ADGRF3: variants seen among roughly 807,000 people sequenced by gnomAD.
The protein encoded by ADGRF3 is adhesion G protein-coupled receptor F3.
ADGRF3 carries 85 observed loss-of-function variants against 93.2 expected under a neutral mutation model. The observed-to-expected ratio is 0.91, with a 90% CI of 0.77 to 1.09. ADGRF3 has a LOEUF of 1.09. Among genes scored for constraint, ADGRF3 ranks in the 50% least tolerant of loss-of-function variants. ADGRF3 has a pLI of 0.00. For missense variants in ADGRF3, 1,125 were observed against 1,246.2 expected, an observed-to-expected ratio of 0.90 and a Z score of 1.46; for synonymous variants, 534 against 532.5, an observed-to-expected ratio of 1.00 and a Z score of -0.04.
chr2:26,327,898 T>G (rs1675530610), intron 1 of ADGRF3, among the ~76,000 whole-genome samples: 1 of 151,550 alleles, frequency 6.6e-6, no homozygotes, highest in Admixed American at 6.6e-5. Context: ...GGACTCAGAG[T>G]CCTCACAACC....
chr2:26,319,039 G>A lies in ADGRF3; in HGVS notation c.115-1477C>T, dbSNP rs1674945933. ...GGCCAGGAGCAGCAGTGGGGCAGCCGAACAGACCATGGCTCAGTGAAGCAG... is the reference window on the plus strand; with the variant it reads ...GGCCAGGAGCAGCAGTGGGGCAGCCAAACAGACCATGGCTCAGTGAAGCAG... On this transcript the variant is annotated intron_variant, in intron 1 of 13. Transcript: ENST00000651242. 13 of 1,551,028 alleles carry A rather than the reference G, an allele frequency of 8.4e-6. No individual in the cohort carries two copies. The highest frequency in any genetic ancestry group is 1.1e-5 in the Non-Finnish European group (13 of 1,146,766).
At chr2:26,342,014 A>T (rs1454676895) in intron 1 of ADGRF3, among the ~76,000 whole-genome samples, 1 of 151,472 alleles carries the variant, frequency 6.6e-6, no homozygotes, top group Non-Finnish European at 1.5e-5. Flanking sequence ...CGGAGATTGC[A>T]GTGAGCTGAT....
intron 13 of ADGRF3, 87 bp downstream of exon 13, chr2:26,309,439 C>T: frequency 1.3e-6 from 2 of 1,558,160 alleles, no homozygotes; most frequent in Non-Finnish European, 1.7e-6. Context: ...GAGGAGGCTT[C>T]TCTCCAGCAC....
intron 1 of ADGRF3, among the ~76,000 whole-genome samples, chr2:26,319,376 C>A (rs1674972589): frequency 6.6e-6 from 1 of 152,154 alleles, no homozygotes; most frequent in Admixed American, 6.5e-5. Context: ...TCCCAAGGAC[C>A]TGGGAAATCT....
At position 26,311,171 on chromosome 2, in the gene ADGRF3, G is replaced by A. The variant is rs747092037; in HGVS notation, c.2353C>T (p.Leu785=). 6.3e-7 allele frequency: 1 copy of A among 1,597,672 alleles called. No homozygotes were observed. The highest frequency in any genetic ancestry group is 1.1e-5 in the South Asian group (1 of 88,876). Reference sequence around the variant, plus strand: ...GCCAGCATCCAGAAAAAGGTGGCCAGGTAGAGGAAATGACAGAGGAAGGCG... The same window carrying A: ...GCCAGCATCCAGAAAAAGGTGGCCAAGTAGAGGAAATGACAGAGGAAGGCG... ...AAAFLCHFLY[L]ATFFWMLAQA... The change falls in exon 10 of 14, where the codon CTG becomes TTG. Residue 785 remains leucine (L), a synonymous_variant. Coordinates refer to ENST00000651242, the MANE Select transcript of ADGRF3 (RefSeq NM_001321971.2).
At chr2:26,340,621 G>A (rs760114802) in intron 1 of ADGRF3, 2 of 152,240 alleles carry the variant, frequency 1.3e-5, no homozygotes, top group Non-Finnish European at 2.9e-5. Flanking sequence ...GATCGCAGAG[G>A]TGATGCCCCT....
intron 1 of ADGRF3, among the ~76,000 whole-genome samples, chr2:26,325,535 A>C (rs997603763): frequency 4.6e-5 from 7 of 152,192 alleles, no homozygotes; most frequent in Non-Finnish European, 1.0e-4. Flanking sequence ...TTTATATTAA[A>C]GCTATGTACC....
chr2:26,320,609 CAA>C (rs1675096094), intron 1 of ADGRF3, among the ~76,000 whole-genome samples: 1 of 152,018 alleles, frequency 6.6e-6, no homozygotes, highest in Admixed American at 6.6e-5. Flanking sequence ...TGCTAATTAT[CAA>C]AAGAGAAAAT....
At position 26,311,170 on chromosome 2, in the gene ADGRF3, A is replaced by G. The variant is rs1674075588; in HGVS notation, c.2354T>C (p.Leu785Pro). The change falls in exon 10 of 14, where the codon CTG (leucine) becomes CCG (proline). Residue 785 changes from leucine (L) to proline (P), a missense_variant. Transcript: ENST00000651242. ...AAAFLCHFLY[L>P]ATFFWMLAQA... is the part of the protein sequence containing the mutation. Reference sequence around the variant, plus strand: ...CGCCAGCATCCAGAAAAAGGTGGCCAGGTAGAGGAAATGACAGAGGAAGGC... The same window carrying G: ...CGCCAGCATCCAGAAAAAGGTGGCCGGGTAGAGGAAATGACAGAGGAAGGC... 6.3e-7 allele frequency: 1 copy of G among 1,597,590 alleles called. No homozygotes were observed. The highest frequency in any genetic ancestry group is 8.5e-7 in the Non-Finnish European group (1 of 1,172,518).
intron 1 of ADGRF3, among the ~76,000 whole-genome samples, chr2:26,323,056 T>C (rs543330580): frequency 3.9e-4 from 60 of 152,224 alleles, no homozygotes; most frequent in African/African-American, 1.3e-3. Flanking sequence ...TGAGAATCAC[T>C]TGAACCCAGG....
rs1376185145 is a variant in ADGRF3 at position 26,346,246 on chromosome 2, A to G, written c.-12T>C. On this transcript the variant is annotated 5_prime_UTR_variant, in exon 1 of 14. Coordinates refer to ENST00000651242, the MANE Select transcript of ADGRF3 (RefSeq NM_001321971.2). ...TTTCGGGTCGTCATGGCTGGCTACGAATACGTGAGCCCGGAGCAGCTGGCT... is the reference window on the plus strand; with the variant it reads ...TTTCGGGTCGTCATGGCTGGCTACGGATACGTGAGCCCGGAGCAGCTGGCT... 6.2e-7 allele frequency: 1 copy of G among 1,613,504 alleles called. No individual in the cohort carries two copies. Among genetic ancestry groups the G allele is most frequent in the Non-Finnish European group, 8.5e-7 (1 of 1,179,628 alleles).
At chr2:26,321,127 CAT>C (rs1675123596) in intron 1 of ADGRF3, among the ~76,000 whole-genome samples, 1 of 151,988 alleles carries the variant, frequency 6.6e-6, no homozygotes, top group African/African-American at 2.4e-5. Context: ...ATGGTAGAAA[CAT>C]AGCCCCATTG....
At position 26,313,831 on chromosome 2, in the gene ADGRF3, G is replaced by T. The variant is rs145404639; in HGVS notation, c.1001C>A (p.Thr334Lys). ...CAGGCTCTGCAGGTCACAAGCGTAC[G>T]TGGTGTCAGCCATCGGGCAGCGCTG... Reference protein sequence around the residue: ...AVQRCPMADTTYACDLQSLGL... With the variant: ...AVQRCPMADTKYACDLQSLGL... The change falls in exon 7 of 14, where the codon ACG (threonine) becomes AAG (lysine). Residue 334 changes from threonine (T) to lysine (K), a missense_variant. By Grantham distance (78) the Thr-to-Lys change is moderately conservative (BLOSUM62 -1). Transcript: ENST00000651242. The T allele has an allele frequency of 2.2e-5, 35 of 1,613,866 alleles. No homozygotes were observed. Among genetic ancestry groups the T allele is most frequent in the Non-Finnish European group, 2.9e-5 (34 of 1,179,882 alleles).
In ADGRF3 at chr2:26,311,778, A is replaced by G. The variant is rs961519708; in HGVS notation, c.1746T>C (p.Thr582=). The change falls in exon 10 of 14, where the codon ACT becomes ACC. Residue 582 remains threonine (T), a synonymous_variant. Transcript: ENST00000651242. ...HSLAPLVRNG[T]EISITSLVLR... The stretch of plus-strand genomic sequence containing the variant: ...GCACCAGGCTAGTAATACTTATTTC[A>G]GTTCCATTACGGACCAATGGGGCCA... The G allele has an allele frequency of 1.2e-6, 2 of 1,613,728 alleles. No individual in the cohort carries two copies. Among genetic ancestry groups the G allele is most frequent in the African/African-American group, 2.7e-5 (2 of 75,042 alleles).
At chr2:26,316,816 T>C in intron 3 of ADGRF3, 96 bp downstream of exon 3, 5 of 1,363,074 alleles carry the variant, frequency 3.7e-6, no homozygotes, top group Non-Finnish European at 5.0e-6. Flanking sequence ...CTCCAGGAAA[T>C]ACAGAGGGGC....
intron 1 of ADGRF3, among the ~76,000 whole-genome samples, chr2:26,324,526 A>C (rs772199775): frequency 2.0e-5 from 3 of 152,050 alleles, no homozygotes; most frequent in Non-Finnish European, 4.4e-5. Context: ...GTATGTGTCC[A>C]TGTGTTTTCA....
At position 26,313,497 on chromosome 2, in the gene ADGRF3, G is replaced by A. The variant is rs1313008988; in HGVS notation, c.1149C>T (p.Ala383=). The A allele has an allele frequency of 6.2e-7, 1 of 1,611,996 alleles. No individual in the cohort carries two copies. The highest frequency in any genetic ancestry group is 8.5e-7 in the Non-Finnish European group (1 of 1,179,214). ...TGCCCCTCTTGCTCTCAGGACATGGGGCCTGTGCCACGTGGCCAGCCTTGG... is the reference window on the plus strand; with the variant it reads ...TGCCCCTCTTGCTCTCAGGACATGGAGCCTGTGCCACGTGGCCAGCCTTGG... ...NVTKAGHVAQ[A]PCPESKRGIV... The change falls in exon 8 of 14, where the codon GCC becomes GCT. Residue 383 remains alanine, a synonymous_variant. Transcript: ENST00000651242.
rs542072054 is a variant in ADGRF3, at chr2:26,312,072, A to G, written c.1452T>C (p.Asn484=). The change falls in exon 10 of 14, where the codon AAT becomes AAC. Residue 484 remains asparagine, a splice_region_variant and synonymous_variant. Coordinates refer to ENST00000651242, the MANE Select transcript of ADGRF3 (RefSeq NM_001321971.2). ...RIQLDRRALK[N]LLIATDKVLD... ...GGACCTTGTCTGTGGCAATCAGGAG[A>G]TTCTGCAGCACCCAAAAGAAAGATG... 6.2e-7 allele frequency: 1 copy of G among 1,603,260 alleles called. No homozygotes were observed. Among genetic ancestry groups the G allele is most frequent in the South Asian group, 1.1e-5 (1 of 90,380 alleles).
At chr2:26,324,414 A>G (rs1196970095) in intron 1 of ADGRF3, among the ~76,000 whole-genome samples, 2 of 152,018 alleles carry the variant, frequency 1.3e-5, no homozygotes, top group Admixed American at 6.5e-5. Context: ...TGAGTCATGG[A>G]GGTTTGTTGT....
Sources: gnomAD v4.1 joint callset for allele counts (sites outside exome capture counted in the v4.1 genomes callset) on GRCh38, gnomAD v4.1.1 for gene constraint, MANE v1.5 for transcripts, NCBI Gene and HGNC (gene_info 2026-07-23, HGNC 2026-07-21) for gene names.